The following CNTNAP2 variants were observed in gnomAD, a reference collection of about 807,000 sequenced individuals.
CNTNAP2 encodes the protein contactin associated protein 2, also known as contactin-associated protein-like 2.
CNTNAP2 carries 98 observed loss-of-function variants against 155.2 expected under a neutral mutation model. The observed-to-expected ratio is 0.63, with a 90% CI of 0.54 to 0.75. The LOEUF is 0.75. Ranked by LOEUF, CNTNAP2 falls within the 30% of genes least tolerant of loss-of-function variation. CNTNAP2 has a pLI of 0.00. For synonymous variants in CNTNAP2, 651 were observed against 631.2 expected (o/e 1.03, Z -0.47); for missense variants, 1,727 against 1,688.1 (o/e 1.02, Z -0.40).
chr7:146,985,927 A>G (rs1051830273), intron 3 of CNTNAP2, among the ~76,000 whole-genome samples: 2 of 152,052 alleles, frequency 1.3e-5, no homozygotes, highest in East Asian at 3.9e-4. Context: ...AATCTTAATT[A>G]TTTTTATTAA....
chr7:147,701,733 A>G (rs1460918055), intron 13 of CNTNAP2, among the ~76,000 whole-genome samples: 6 of 152,166 alleles, frequency 3.9e-5, no homozygotes, highest in Non-Finnish European at 2.9e-5. Context: ...CTCCCAACTA[A>G]ACAGACGTGG....
chr7:147,814,704 G>T (rs1798238531), intron 13 of CNTNAP2, among the ~76,000 whole-genome samples: 1 of 152,076 alleles, frequency 6.6e-6, no homozygotes, highest in Non-Finnish European at 1.5e-5. Flanking sequence ...TGTAGTTCCT[G>T]ACTTTCAAAC....
chr7:147,806,947 G>A (rs1186557221), intron 13 of CNTNAP2, among the ~76,000 whole-genome samples: 3 of 152,136 alleles, frequency 2.0e-5, no homozygotes, highest in Non-Finnish European at 4.4e-5. Context: ...ACAATAGGGT[G>A]ACTATAGTTA....
intron 8 of CNTNAP2, among the ~76,000 whole-genome samples, chr7:147,207,688 G>C (rs924841922): frequency 6.6e-6 from 1 of 152,048 alleles, no homozygotes; most frequent in East Asian, 1.9e-4. Flanking sequence ...GTAACATTAA[G>C]AGCCCATAAT....
chr7:147,046,344 A>G (rs1290679929), intron 4 of CNTNAP2, among the ~76,000 whole-genome samples: 2 of 152,216 alleles, frequency 1.3e-5, no homozygotes, highest in Non-Finnish European at 2.9e-5. Context: ...TTTCAAAAAA[A>G]TTTCACACAG....
At chr7:146,451,880 C>CATACGTATATAT (rs71175650) in intron 1 of CNTNAP2, among the ~76,000 whole-genome samples, 1 of 106,254 alleles carries the variant, frequency 9.4e-6, no homozygotes, top group Non-Finnish European at 1.6e-5. Context: ...CGTATATATA[C>CATACGTATATAT]ACATATACAT....
intron 1 of CNTNAP2, among the ~76,000 whole-genome samples, chr7:146,406,423 T>C (rs938207390): frequency 2.0e-5 from 3 of 152,226 alleles, no homozygotes; most frequent in Non-Finnish European, 2.9e-5. Flanking sequence ...TTGAGGATTT[T>C]TGAACATGAT....
intron 3 of CNTNAP2, among the ~76,000 whole-genome samples, chr7:146,860,917 C>A (rs1795086245): frequency 6.6e-6 from 1 of 152,166 alleles, no homozygotes; most frequent in South Asian, 2.1e-4. Flanking sequence ...TGTACCCCTT[C>A]TTCCTACTGG....
At chr7:147,791,548 G>A (rs1797819582) in intron 13 of CNTNAP2, among the ~76,000 whole-genome samples, 1 of 150,104 alleles carries the variant, frequency 6.7e-6, no homozygotes, top group South Asian at 2.1e-4. Context: ...GAACTAATTC[G>A]GTTATGAAGA....
intron 1 of CNTNAP2, among the ~76,000 whole-genome samples, chr7:146,241,018 T>A (rs1027559267): frequency 3.3e-5 from 5 of 152,052 alleles, no homozygotes; most frequent in African/African-American, 9.7e-5. Flanking sequence ...GAGAATGTGG[T>A]GGGGGAGTGC....
At chr7:146,262,785 G>A (rs1334190981) in intron 1 of CNTNAP2, among the ~76,000 whole-genome samples, 1 of 152,132 alleles carries the variant, frequency 6.6e-6, no homozygotes, top group Admixed American at 6.6e-5. Context: ...TTTTGGCATT[G>A]TTTAAAAAAT....
intron 1 of CNTNAP2, among the ~76,000 whole-genome samples, chr7:146,650,491 A>G (rs1204030572): frequency 1.3e-5 from 2 of 152,066 alleles, no homozygotes; most frequent in South Asian, 2.1e-4. Context: ...GGAGTTGAAC[A>G]ATGAGAACAC....
In CNTNAP2 at chr7:148,232,486, T is replaced by A. The variant is rs564559333; in HGVS notation, c.3381+2707T>A. Among the ~76,000 whole-genome samples the A allele has an allele frequency of 2.6e-5, 4 of 152,364 alleles. No individual in the cohort carries two copies. The South Asian group carries it at 8.3e-4, about 32-fold the overall frequency. On this transcript the variant is annotated intron_variant, in intron 20 of 23. Coordinates refer to ENST00000361727, the MANE Select transcript of CNTNAP2 (RefSeq NM_014141.6). ...TGGTTTGATTTCCTCTAGAGTTTTC[T>A]ATTTCCCCATTTTCTATTATAAGCA... is the stretch of plus-strand genomic sequence containing the variant.
At chr7:147,642,011 C>CGTGTGCGTGTGTGT (rs5888277) in intron 13 of CNTNAP2, among the ~76,000 whole-genome samples, 8 of 149,712 alleles carry the variant, frequency 5.3e-5, no homozygotes, top group Admixed American at 4.0e-4. Flanking sequence ...TGTGTGTGTG[C>CGTGTGCGTGTGTGT]GTGTGTGTGT....
chr7:147,175,038 T>C (rs973491403), intron 8 of CNTNAP2, among the ~76,000 whole-genome samples: 1 of 152,034 alleles, frequency 6.6e-6, no homozygotes, highest in Admixed American at 6.6e-5. Flanking sequence ...TTTCACTATA[T>C]AGAGAAAAAA....
chr7:146,962,542 TTTTGTTTG>T (rs931373434), intron 3 of CNTNAP2, among the ~76,000 whole-genome samples: 4 of 152,106 alleles, frequency 2.6e-5, no homozygotes, highest in African/African-American at 7.2e-5. Context: ...AACATAGTTT[TTTTGTTTG>T]TTTGTTTGTT....
intron 6 of CNTNAP2, among the ~76,000 whole-genome samples, chr7:147,126,411 G>T (rs141650286): frequency 6.6e-6 from 1 of 152,094 alleles, no homozygotes; most frequent in Non-Finnish European, 1.5e-5. Context: ...TATCAGCTTC[G>T]TTAAAGTGTC....
intron 8 of CNTNAP2, among the ~76,000 whole-genome samples, chr7:147,221,998 C>G (rs1310569986): frequency 6.6e-6 from 1 of 152,040 alleles, no homozygotes; most frequent in African/African-American, 2.4e-5. Context: ...TCACCCACCC[C>G]CTCTCTGGCT....
intron 10 of CNTNAP2, among the ~76,000 whole-genome samples, chr7:147,419,305 C>T (rs1391741271): frequency 1.3e-5 from 2 of 152,130 alleles, no homozygotes; most frequent in Non-Finnish European, 2.9e-5. Context: ...CCACAGGAGT[C>T]CCTGCTTGCC....
Sources: allele counts gnomAD v4.1 joint callset (sites outside exome capture counted in the v4.1 genomes callset), GRCh38; gene constraint gnomAD v4.1.1; transcripts MANE v1.5; gene names NCBI Gene and HGNC (gene_info 2026-07-23, HGNC 2026-07-21).